COL5A3: variants seen among roughly 807,000 people sequenced by gnomAD.
COL5A3 encodes the protein collagen alpha-3(V) chain.
A neutral mutation model predicts 250.0 loss-of-function variants in COL5A3; 172 were observed. The observed-to-expected ratio is 0.69, with a 90% CI of 0.61 to 0.78. The LOEUF is 0.78. Among genes scored for constraint, COL5A3 ranks in the 30% least tolerant of loss-of-function variants. The pLI is 0.00. For synonymous variants in COL5A3, 937 were observed against 900.4 expected, an observed-to-expected ratio of 1.04 and a Z score of -0.73; for missense variants, 2,340 against 2,334.4, an observed-to-expected ratio of 1.00 and a Z score of -0.05.
At chr19:9,961,807 C>T (rs1429864465) in intron 65 of COL5A3, among the ~76,000 whole-genome samples, 3 of 152,148 alleles carry the variant, frequency 2.0e-5, no homozygotes, top group Non-Finnish European at 4.4e-5. Context: ...ATCCGCCCAC[C>T]TTGGCCTCCC....
At position 9,989,164 on chromosome 19, in the gene COL5A3, G is replaced by C. The variant is rs139738587; in HGVS notation, c.2105C>G (p.Ser702Trp). 1 of 1,614,182 alleles carries C rather than the reference G, an allele frequency of 6.2e-7. No individual in the cohort carries two copies. Among genetic ancestry groups the C allele is most frequent in the East Asian group, 2.2e-5 (1 of 44,880 alleles). ...TCCAGGATAGCCCGGAGGGCCTGCCGACCCTGGTGGACCCTGGGAGGAAAA... is the reference window on the plus strand; with the variant it reads ...TCCAGGATAGCCCGGAGGGCCTGCCCACCCTGGTGGACCCTGGGAGGAAAA... ...GEKGAQGPPGSAGPPGYPGPR... is the reference protein window; with the variant it reads ...GEKGAQGPPGWAGPPGYPGPR... Residue 702 changes from serine to tryptophan, a missense_variant, in exon 27 of 67, where the codon TCG (serine) becomes TGG (tryptophan). Ser to Trp is a radical substitution (Grantham distance 177). This residue lies in a region of COL5A3 where 1,152 missense variants were observed against 1,146.3 expected (regional missense o/e 1.00). Coordinates refer to ENST00000264828, the MANE Select transcript of COL5A3 (RefSeq NM_015719.4).
intron 27 of COL5A3, 73 bp from the exon 28 acceptor site, chr19:9,986,831 C>G: frequency 3.9e-6 from 6 of 1,540,274 alleles, no homozygotes; most frequent in Non-Finnish European, 5.4e-6. Flanking sequence ...GTCCCCTGCT[C>G]TAAAGCAGCC....
intron 1 of COL5A3, among the ~76,000 whole-genome samples, chr19:10,007,681 A>T (rs772893054): frequency 6.6e-6 from 1 of 151,956 alleles, no homozygotes; most frequent in Non-Finnish European, 1.5e-5. Flanking sequence ...TGCTGATCTC[A>T]CCACGGGGAG....
intron 31 of COL5A3, among the ~76,000 whole-genome samples, chr19:9,984,436 A>G (rs2087065491): frequency 6.6e-6 from 1 of 152,182 alleles, no homozygotes; most frequent in Non-Finnish European, 1.5e-5. Context: ...ACCCATCAAA[A>G]CATTGGCAAA....
At position 9,968,784 on chromosome 19, in the gene COL5A3, GT is replaced by G; in HGVS notation, c.4153-57del. On this transcript the variant is annotated intron_variant, in intron 57 of 66. Transcript: ENST00000264828. This position sits in a 1 kb window ranked among gnomAD's most constrained non-coding sequence, Gnocchi z 4.1. ...TCTCAAATGTGAACTCGAGGTCTGT[GT>G]GGGTGGTTAGGGGATGGTCAAATGG... 6.7e-7 allele frequency: 1 copy of G among 1,494,360 alleles called. No homozygotes were observed. The highest frequency in any genetic ancestry group is 1.2e-5 in the South Asian group (1 of 84,430). The allele number at this position is 1,494,360 out of a possible 1,614,324, so 92.6% of individuals were successfully genotyped here. A position where few individuals can be genotyped will look rare whatever the true frequency, so the allele number is the denominator to read the frequency against.
rs2087200477 is a variant in COL5A3, at chr19:9,992,006, C to T, written c.1891G>A (p.Val631Met). 1.2e-6 allele frequency: 2 copies of T among 1,613,086 alleles called. No individual in the cohort carries two copies. Among genetic ancestry groups the T allele is most frequent in the Non-Finnish European group, 1.7e-6 (2 of 1,179,180 alleles). Reference protein sequence around the residue: ...IDGAPGAKGNVGPPGEPGPPG... With the variant: ...IDGAPGAKGNMGPPGEPGPPG... Reference sequence around the variant, plus strand: ...GTCAAAGGGCACAGGGCACATACCACATTGCCTTTGGCACCAGGAGCACCA... The same window carrying T: ...GTCAAAGGGCACAGGGCACATACCATATTGCCTTTGGCACCAGGAGCACCA... The change falls in exon 22 of 67, where the codon GTG becomes ATG. Residue 631 changes from valine to methionine, a missense_variant and splice_region_variant. By Grantham distance (21) the Val-to-Met change is conservative. Transcript: ENST00000264828.
Position 9,968,315 on chromosome 19 carries a change from C to T in COL5A3, c.4314+70G>A. 7.6e-7 allele frequency: 1 copy of T among 1,318,052 alleles called. No homozygotes were observed. The highest frequency in any genetic ancestry group is 1.1e-6 in the Non-Finnish European group (1 of 935,364). 81.6% of individuals were successfully genotyped at this position (1,318,052 alleles called of 1,614,324 possible). A position where few individuals can be genotyped will look rare whatever the true frequency, so the allele number is the denominator to read the frequency against. Reference sequence around the variant, plus strand: ...AATCCAGACCCACGTTTCCCAGACCCCACACCCACAGTCTCTCAACCGACC... The same window carrying T: ...AATCCAGACCCACGTTTCCCAGACCTCACACCCACAGTCTCTCAACCGACC... On this transcript the variant is annotated intron_variant, in intron 59 of 66. Transcript: ENST00000264828. The surrounding 1 kb of genome is among the most constrained non-coding windows in gnomAD (Gnocchi z 4.1).
chr19:9,994,605 T>A (rs941067077), intron 16 of COL5A3, among the ~76,000 whole-genome samples: 1 of 117,242 alleles, frequency 8.5e-6, no homozygotes, highest in Admixed American at 8.8e-5. Context: ...TATATATATA[T>A]ATGGTCACAT....
At chr19:9,985,763 G>T in intron 31 of COL5A3, 79 bp downstream of exon 31, 1 of 1,360,238 alleles carries the variant, frequency 7.4e-7, no homozygotes, top group Non-Finnish European at 1.0e-6. Context: ...CATCCCCCAA[G>T]ACCACAGCCT....
At chr19:10,007,823 C>T (rs2145150211) in intron 1 of COL5A3, among the ~76,000 whole-genome samples, 1 of 152,218 alleles carries the variant, frequency 6.6e-6, no homozygotes, top group East Asian at 1.9e-4. Context: ...TTTCCTCTTG[C>T]CTCCAATCTC....
chr19:9,960,243 GC>G lies in COL5A3; in HGVS notation c.*167del. ...TGGACCCTTGGGCCAGGGAACCCCA[GC>G]CCCCAGCACCCTGGAAAGGAGAAGG... is the stretch of plus-strand genomic sequence containing the variant. On this transcript the variant is annotated 3_prime_UTR_variant, in exon 67 of 67. Coordinates refer to ENST00000264828, the MANE Select transcript of COL5A3 (RefSeq NM_015719.4). 2 of 834,522 alleles carry G rather than the reference GC, an allele frequency of 2.4e-6. No individual in the cohort carries two copies. The highest frequency in any genetic ancestry group is 3.7e-6 in the Non-Finnish European group (2 of 546,380). 51.7% of individuals were successfully genotyped at this position (834,522 alleles called of 1,614,324 possible). A position where few individuals can be genotyped will look rare whatever the true frequency, so the allele number is the denominator to read the frequency against.
At position 9,992,043 on chromosome 19, in the gene COL5A3, C is replaced by A; in HGVS notation, c.1854G>T (p.Val618=). 6.2e-7 allele frequency: 1 copy of A among 1,613,658 alleles called. No individual in the cohort carries two copies. The highest frequency in any genetic ancestry group is 1.1e-5 in the South Asian group (1 of 90,972). ...CACCAGGAGCACCATCAATTCCAGT[C>A]ACACCCTAGGGGAAAAGAGGATGTG... ...GSPGPTGRPG[V]TGIDGAPGAK... Residue 618 remains valine, a synonymous_variant, in exon 22 of 67, where the codon GTG becomes GTT. Transcript: ENST00000264828.
chr19:9,976,880 T>A (rs772592697), intron 44 of COL5A3, among the ~76,000 whole-genome samples: 92 of 151,758 alleles, frequency 6.1e-4, no homozygotes, highest in Non-Finnish European at 1.1e-3. Context: ...GGAGCTGACA[T>A]TCGGGGTGGG....
chr19:9,985,006 T>C (rs8103054), intron 31 of COL5A3, among the ~76,000 whole-genome samples: 26,652 of 142,842 alleles, frequency 0.19, 3,560 homozygotes, highest in African/African-American at 0.39. Context: ...TGGAGTTCAG[T>C]GGTGAGATCT....
At position 10,009,400 on chromosome 19, in the gene COL5A3, T is replaced by C. The variant is rs1289197537; in HGVS notation, c.88+898A>G. On this transcript the variant is annotated intron_variant, in intron 1 of 66. Coordinates refer to ENST00000264828, the MANE Select transcript of COL5A3 (RefSeq NM_015719.4). The surrounding 1 kb of genome is among the most constrained non-coding windows in gnomAD (Gnocchi z 4.4). ...CGCGCAGCTGGGCGTGCGTCAGCGC[T>C]GACTCACCCATCCGGCGGCCCCCGG... Among the ~76,000 whole-genome samples the C allele has an allele frequency of 2.0e-5, 3 of 151,694 alleles. No individual in the cohort carries two copies. Among genetic ancestry groups the C allele is most frequent in the Non-Finnish European group, 2.9e-5 (2 of 67,854 alleles).
Position 9,982,052 on chromosome 19 carries a change from G to A in COL5A3, c.2460+13C>T, listed in dbSNP as rs376045556. The A allele has an allele frequency of 2.6e-5, 42 of 1,605,630 alleles. No individual in the cohort carries two copies. The highest frequency in any genetic ancestry group is 6.6e-5 in the South Asian group (6 of 90,772). ...AAGTTCTCCCCTCTCCCTTACCCCC[G>A]GTCATGACTCACCGACTTCCCTTTC... On this transcript the variant is annotated intron_variant, in intron 32 of 66. Transcript: ENST00000264828.
rs757458082 is a variant in COL5A3 at position 9,971,285 on chromosome 19, C to T, written c.3775-27G>A. On this transcript the variant is annotated intron_variant, in intron 51 of 66. Coordinates refer to ENST00000264828, the MANE Select transcript of COL5A3 (RefSeq NM_015719.4). ...TGGAACACAGAATGATTAATAATCA[C>T]ATCTCTGAATTGTGGAGCAATCATG... 2.0e-6 allele frequency: 3 copies of T among 1,537,066 alleles called. No individual in the cohort carries two copies. In the African/African-American group the frequency reaches 4.2e-5, roughly 22 times the overall value.
At chr19:9,976,689 C>T (rs2086927703) in intron 44 of COL5A3, 78 bp from the exon 45 acceptor site, 2 of 1,062,946 alleles carry the variant, frequency 1.9e-6, no homozygotes, top group Non-Finnish European at 2.7e-6. Flanking sequence ...CAATCACTGC[C>T]TCCCACACCC....
intron 55 of COL5A3, 24 bp from the exon 56 acceptor site, chr19:9,969,706 G>A: frequency 6.3e-7 from 1 of 1,587,920 alleles, no homozygotes; most frequent in Non-Finnish European, 8.5e-7. Flanking sequence ...AGGCAAGGGA[G>A]GGGCCAGAGT....
Sources: allele counts gnomAD v4.1 joint callset (sites outside exome capture counted in the v4.1 genomes callset), GRCh38; gene constraint gnomAD v4.1.1; regional missense constraint gnomAD v4.1.1; non-coding constraint Gnocchi (gnomAD v3.1); transcripts MANE v1.5; gene names NCBI Gene and HGNC (gene_info 2026-07-23, HGNC 2026-07-21).